Variants in EFHC2 observed in about 807,000 individuals in gnomAD.
The protein encoded by EFHC2 is EF-hand domain containing 2.
EFHC2 carries 18 observed loss-of-function variants against 52.7 expected under a neutral mutation model. That is an observed-to-expected ratio of 0.34 (90% CI 0.24 to 0.51). EFHC2 has a LOEUF of 0.51. Among genes scored for constraint, EFHC2 ranks in the 20% least tolerant of loss-of-function variants. The pLI is 0.97. For missense variants in EFHC2, 513 were observed against 562.5 expected (o/e 0.91, Z 0.89); for synonymous variants, 203 against 204.1 (o/e 0.99, Z 0.04).
chrX:44,250,452 A>G lies in EFHC2; in HGVS notation c.607-7T>C, dbSNP rs763774884. ...GCTCTACGTGTTCTACAACCTGCAA[A>G]TGGAGAAAATGTCAATAATAGTTGC... On this transcript the variant is annotated splice_polypyrimidine_tract_variant and splice_region_variant and intron_variant, in intron 4 of 14. Coordinates refer to ENST00000420999, the MANE Select transcript of EFHC2 (RefSeq NM_025184.4). The G allele has an allele frequency of 3.4e-6, 4 of 1,181,839 alleles. No homozygotes were observed. The South Asian group carries it at 7.8e-5, about 23-fold the overall frequency.
chrX:44,199,500 A>T (rs1407035505), intron 11 of EFHC2, among the ~76,000 whole-genome samples: 1 of 112,783 alleles, frequency 8.9e-6, no homozygotes, highest in African/African-American at 3.2e-5. Context: ...ATGAAATTAG[A>T]CCAGTTTATA....
chrX:44,237,740 G>C (rs2037330861), intron 8 of EFHC2, among the ~76,000 whole-genome samples: 1 of 111,378 alleles, frequency 9.0e-6, no homozygotes, highest in Admixed American at 9.5e-5. Flanking sequence ...TGTTACTCTT[G>C]CTTCACTGGC....
At chrX:44,278,527 T>C (rs2037678072) in intron 2 of EFHC2, among the ~76,000 whole-genome samples, 1 of 111,339 alleles carries the variant, frequency 9.0e-6, no homozygotes, top group Non-Finnish European at 1.9e-5. Flanking sequence ...ACCTTGGCAT[T>C]TGAGAAAAAG....
intron 2 of EFHC2, among the ~76,000 whole-genome samples, chrX:44,301,735 G>T (rs181735325): frequency 9.0e-6 from 1 of 111,539 alleles, no homozygotes; most frequent in Non-Finnish European, 1.9e-5. Context: ...CTATGTATTT[G>T]CCTTTTCTAG....
chrX:44,285,383 T>G (rs555254636), intron 2 of EFHC2: 4 of 112,036 alleles, frequency 3.6e-5, no homozygotes, highest in African/African-American at 1.3e-4. Flanking sequence ...AGGACATCCT[T>G]ATGGAGGACG....
At chrX:44,242,949 C>T (rs1473030880) in intron 7 of EFHC2, among the ~76,000 whole-genome samples, 3 of 111,836 alleles carry the variant, frequency 2.7e-5, no homozygotes. Flanking sequence ...TGCAATGAAG[C>T]GAACAAACAA....
At chrX:44,272,135 T>C (rs1402209658) in intron 3 of EFHC2, among the ~76,000 whole-genome samples, 2 of 111,828 alleles carry the variant, frequency 1.8e-5, no homozygotes, top group Non-Finnish European at 3.8e-5. Context: ...GAGTTAACTC[T>C]TATCTGTGGC....
chrX:44,245,182 C>T (rs1032288812), intron 7 of EFHC2, among the ~76,000 whole-genome samples: 1 of 111,391 alleles, frequency 9.0e-6, no homozygotes, highest in East Asian at 2.8e-4. Context: ...TCTTAAATGT[C>T]CTGCTGTTCC....
At position 44,250,266 on chromosome X, in the gene EFHC2, G is replaced by C. The variant is rs765055559; in HGVS notation, c.786C>G (p.Ile262Met). Residue 262 changes from isoleucine to methionine, a missense_variant, in exon 5 of 15, where the codon ATC (isoleucine) becomes ATG (methionine). Ile to Met is a conservative substitution (Grantham distance 10, BLOSUM62 1). Transcript: ENST00000420999. Reference protein sequence around the residue: ...HYFLCDDTIEIKELLPHSSGR... With the variant: ...HYFLCDDTIEMKELLPHSSGR... ...CTGAGCTGTGTGGAAGCAATTCTTT[G>C]ATTTCAATAGTATCATCACACAAGA... The C allele has an allele frequency of 6.6e-6, 8 of 1,210,734 alleles. No homozygotes were observed. The South Asian group carries it at 1.4e-4, about 21-fold the overall frequency.
At chrX:44,175,306 A>T (rs1172397932) in intron 13 of EFHC2, among the ~76,000 whole-genome samples, 1 of 112,053 alleles carries the variant, frequency 8.9e-6, no homozygotes, top group Non-Finnish European at 1.9e-5. Context: ...ATGTGGTGGC[A>T]CCGCAGTATT....
At chrX:44,204,962 A>AT (rs1422770126) in intron 11 of EFHC2, among the ~76,000 whole-genome samples, 1 of 111,680 alleles carries the variant, frequency 9.0e-6, no homozygotes, top group Non-Finnish European at 1.9e-5. Flanking sequence ...ATAAGGAAAA[A>AT]TTTTAAAAGC....
At chrX:44,239,904 G>A (rs150610436) in intron 8 of EFHC2, among the ~76,000 whole-genome samples, 85 of 111,354 alleles carry the variant, frequency 7.6e-4, no homozygotes, top group African/African-American at 2.5e-3. Context: ...GCAGGCTACC[G>A]CAGTGATATC....
intron 7 of EFHC2, among the ~76,000 whole-genome samples, chrX:44,244,605 A>C (rs2037385134): frequency 8.9e-6 from 1 of 112,005 alleles, no homozygotes. Flanking sequence ...ATGGTTGACT[A>C]GATTCCAACA....
At chrX:44,235,165 C>T (rs779431690) in intron 9 of EFHC2, 140 bp downstream of exon 9, 55 of 485,547 alleles carry the variant, frequency 1.1e-4, no homozygotes, top group Non-Finnish European at 1.5e-4. Context: ...AAAAAGAACC[C>T]TATTGTTCAG....
intron 11 of EFHC2, among the ~76,000 whole-genome samples, chrX:44,197,919 T>C (rs1257555370): frequency 1.8e-5 from 2 of 112,232 alleles, no homozygotes; most frequent in East Asian, 5.6e-4. Flanking sequence ...ACTGCTCCCA[T>C]TTTTAAACAC....
chrX:44,233,411 C>G (rs1210524599), intron 9 of EFHC2, among the ~76,000 whole-genome samples: 1 of 112,111 alleles, frequency 8.9e-6, no homozygotes, highest in Non-Finnish European at 1.9e-5. Context: ...CTTTCCAGAA[C>G]TGTCATCATT....
intron 1 of EFHC2, 90 bp downstream of exon 1, chrX:44,343,457 G>T (rs2038164626): frequency 9.0e-7 from 1 of 1,105,977 alleles, no homozygotes; most frequent in Non-Finnish European, 1.2e-6. Context: ...GGGGCCTCCA[G>T]GAGAGTCTGC....
At chrX:44,221,781 CAA>C (rs1161291440) in intron 11 of EFHC2, among the ~76,000 whole-genome samples, 4 of 111,860 alleles carry the variant, frequency 3.6e-5, no homozygotes, top group Non-Finnish European at 7.5e-5. Flanking sequence ...TCAGAGATAT[CAA>C]GTTTAAAAAT....
In EFHC2 at chrX:44,240,390, T is replaced by C. The variant is rs747850484; in HGVS notation, c.1280+1731A>G. Reference sequence around the variant, plus strand: ...GGAATACCATCTACAGTCAGTGTTCTGTGGGCAAGTTTACCCAGTGTAGAC... The same window carrying C: ...GGAATACCATCTACAGTCAGTGTTCCGTGGGCAAGTTTACCCAGTGTAGAC... On this transcript the variant is annotated intron_variant, in intron 8 of 14. Transcript: ENST00000420999. Among the ~76,000 whole-genome samples, 183 of 112,223 alleles carry C rather than the reference T, an allele frequency of 1.6e-3. 1 individual carries two copies. The highest frequency in any genetic ancestry group is 5.9e-3 in the African/African-American group (183 of 30,913).
Sources: allele counts gnomAD v4.1 joint callset (sites outside exome capture counted in the v4.1 genomes callset), GRCh38; gene constraint gnomAD v4.1.1; transcripts MANE v1.5; gene names NCBI Gene and HGNC (gene_info 2026-07-23, HGNC 2026-07-21).